The following PCDHGB2 variants were observed in gnomAD, a reference collection of about 807,000 sequenced individuals.
The protein encoded by PCDHGB2 is protocadherin gamma-B2.
In PCDHGB2, 55 loss-of-function variants were observed where a neutral mutation model predicts 59.3. That is an observed-to-expected ratio of 0.93 (90% CI 0.75 to 1.16). The LOEUF is 1.16. Among genes scored for constraint, PCDHGB2 ranks in the 50% most tolerant of loss-of-function variants. The pLI, the probability that PCDHGB2 is intolerant of heterozygous loss-of-function variation, is 0.00. For synonymous variants in PCDHGB2, 516 were observed against 512.0 expected (o/e 1.01, Z -0.11); for missense variants, 1,228 against 1,198.5 (o/e 1.02, Z -0.36).
At chr5:141,433,097 G>A (rs777101945) in intron 1 of PCDHGB2, 11 of 1,614,044 alleles carry the variant, frequency 6.8e-6, no homozygotes, top group Admixed American at 3.3e-5. Flanking sequence ...AGACATGCTC[G>A]TCAGCCAGGA....
chr5:141,476,986 C>A lies in PCDHGB2; in HGVS notation c.2422-17821C>A. ...CCTTCGGCAGCCACAACCGCGCCGG[C>A]GTGCGGCAACTATTCGCCTTAGACC... On this transcript the variant is annotated intron_variant, in intron 1 of 3. Transcript: ENST00000522605. The surrounding 1 kb of genome is among the most constrained non-coding windows in gnomAD (Gnocchi z 7.6). 6.2e-7 allele frequency: 1 copy of A among 1,614,218 alleles called. No individual in the cohort carries two copies. The highest frequency in any genetic ancestry group is 8.5e-7 in the Non-Finnish European group (1 of 1,180,042).
intron 1 of PCDHGB2, chr5:141,365,029 C>T (rs1361601199): frequency 6.8e-6 from 11 of 1,613,864 alleles, no homozygotes; most frequent in Non-Finnish European, 9.3e-6. Context: ...TTACGGTCCT[C>T]GACGCAAACG....
chr5:141,472,268 A>G (rs399559), intron 1 of PCDHGB2, among the ~76,000 whole-genome samples: 152,324 of 152,332 alleles, frequency 1, 76,158 homozygotes, highest in Middle Eastern at 1. Flanking sequence ...ATAGCCGGGC[A>G]CAGTGGCTCA....
intron 1 of PCDHGB2, among the ~76,000 whole-genome samples, chr5:141,469,484 A>AGAATCGCT (rs1279677032): frequency 6.6e-6 from 1 of 152,074 alleles, no homozygotes; most frequent in African/African-American, 2.4e-5. Flanking sequence ...CTGAGGCAGG[A>AGAATCGCT]GAATCGCTTG....
chr5:141,444,551 G>A (rs758187608), intron 1 of PCDHGB2, among the ~76,000 whole-genome samples: 1 of 152,022 alleles, frequency 6.6e-6, no homozygotes, highest in Non-Finnish European at 1.5e-5. Context: ...TGAGCAAAAG[G>A]CACTTATTTG....
At chr5:141,457,607 T>C (rs578113551) in intron 1 of PCDHGB2, among the ~76,000 whole-genome samples, 2 of 152,360 alleles carry the variant, frequency 1.3e-5, no homozygotes, top group African/African-American at 4.8e-5. Context: ...AAACTAATTA[T>C]GAATGAACTT....
At chr5:141,452,635 T>C (rs1426970634) in intron 1 of PCDHGB2, among the ~76,000 whole-genome samples, 1 of 152,086 alleles carries the variant, frequency 6.6e-6, no homozygotes, top group Non-Finnish European at 1.5e-5. Context: ...GCTATGAATA[T>C]ATTTACTCAT....
At chr5:141,389,349 A>G in intron 1 of PCDHGB2, 1 of 1,613,980 alleles carries the variant, frequency 6.2e-7, no homozygotes, top group South Asian at 1.1e-5. Context: ...CTCTTACTGC[A>G]TCATGGCCAG....
chr5:141,421,424 G>T lies in PCDHGB2; in HGVS notation c.2421+58868G>T, dbSNP rs369037131. 2.2e-5 allele frequency: 35 copies of T among 1,613,974 alleles called. No individual in the cohort carries two copies. The African/African-American group carries it at 3.9e-4, about 18-fold the overall frequency. ...CGGGAGCTGGCGAAGCGCGGAGTCC[G>T]CATCGTCTCCAGAGGGAAGACACAG... is the stretch of plus-strand genomic sequence containing the variant. On this transcript the variant is annotated intron_variant, in intron 1 of 3. Transcript: ENST00000522605.
intron 1 of PCDHGB2, chr5:141,408,641 T>G: frequency 6.2e-7 from 1 of 1,614,034 alleles, no homozygotes; most frequent in Non-Finnish European, 8.5e-7. Context: ...CGAATCTGCA[T>G]CCGCTGGTAC....
intron 1 of PCDHGB2, chr5:141,366,068 C>T: frequency 6.2e-7 from 1 of 1,614,238 alleles, no homozygotes; most frequent in Admixed American, 1.7e-5. Flanking sequence ...GCTGGCGCCT[C>T]GCTCCGCAGA....
chr5:141,415,389 T>A lies in PCDHGB2; in HGVS notation c.2421+52833T>A, dbSNP rs1282535508. On this transcript the variant is annotated intron_variant, in intron 1 of 3. Transcript: ENST00000522605. ...AGGCTTCAGGAGGCGGCTTGACAGG[T>A]GTGTCCGGCTCGCACTTTGTGGGCG... 9.3e-6 allele frequency: 15 copies of A among 1,614,162 alleles called. No individual in the cohort carries two copies. The East Asian group carries it at 2.5e-4, about 26-fold the overall frequency.
Position 141,497,143 on chromosome 5 carries a change from G to GA in PCDHGB2, c.2480+2287dup, listed in dbSNP as rs928640875. ...AGAGGTTGCAGTGAGCTGAGATCAC[G>GA]AAAAAAAAATAATCTAGCCACAAAT... On this transcript the variant is annotated intron_variant, in intron 2 of 3. Coordinates refer to ENST00000522605, the MANE Select transcript of PCDHGB2 (RefSeq NM_018923.3). 1.3e-3 allele frequency among the ~76,000 whole-genome samples: 194 copies of GA among 150,104 alleles called. 4 individuals are homozygous for GA. The highest frequency in any genetic ancestry group is 7.6e-3 in the Admixed American group (115 of 15,100).
At chr5:141,497,307 C>T (rs1295364802) in intron 2 of PCDHGB2, among the ~76,000 whole-genome samples, 1 of 152,096 alleles carries the variant, frequency 6.6e-6, no homozygotes, top group Non-Finnish European at 1.5e-5. Flanking sequence ...CCAGGCCATA[C>T]ACTGGCTTTG....
intron 1 of PCDHGB2, chr5:141,375,657 T>C (rs1588774279): frequency 6.2e-7 from 1 of 1,614,192 alleles, no homozygotes; most frequent in Non-Finnish European, 8.5e-7. Flanking sequence ...TATGAGCAGT[T>C]GAGAGACCTA....
At chr5:141,403,121 C>T (rs2094357954) in intron 1 of PCDHGB2, 1 of 1,614,046 alleles carries the variant, frequency 6.2e-7, no homozygotes, top group Non-Finnish European at 8.5e-7. Context: ...TCTGGAGCCC[C>T]GGGAGCTGGC....
intron 1 of PCDHGB2, chr5:141,375,003 TA>T: frequency 6.2e-7 from 1 of 1,614,054 alleles, no homozygotes; most frequent in Non-Finnish European, 8.5e-7. Flanking sequence ...TCTGCAAATC[TA>T]GACTATGAGG....
chr5:141,375,542 G>GTC (rs767363908), intron 1 of PCDHGB2: 3 of 1,613,976 alleles, frequency 1.9e-6, no homozygotes, highest in Non-Finnish European at 2.5e-6. Flanking sequence ...GAACGCCCAA[G>GTC]TCTCCTACTC....
chr5:141,371,829 C>G (rs763758826), intron 1 of PCDHGB2: 13 of 1,613,692 alleles, frequency 8.1e-6, no homozygotes, highest in Non-Finnish European at 1.0e-5. Flanking sequence ...AGCCTCGGAT[C>G]CCGACTTGGG....
Sources: allele counts gnomAD v4.1 joint callset (sites outside exome capture counted in the v4.1 genomes callset), GRCh38; gene constraint gnomAD v4.1.1; non-coding constraint Gnocchi (gnomAD v3.1); transcripts MANE v1.5; gene names NCBI Gene and HGNC (gene_info 2026-07-23, HGNC 2026-07-21).